The following SKAP1 variants were observed in gnomAD, a reference collection of about 807,000 sequenced individuals.
SKAP1 encodes src kinase-associated phosphoprotein 1.
Under a neutral mutation model 58.5 loss-of-function variants are expected in SKAP1, and 44 were observed. The observed-to-expected ratio is 0.75, with a 90% CI of 0.59 to 0.97. SKAP1 has a LOEUF of 0.97. Among genes scored for constraint, SKAP1 ranks in the 50% least tolerant of loss-of-function variants. SKAP1 has a pLI of 0.00. For synonymous variants in SKAP1, 127 were observed against 149.7 expected, an observed-to-expected ratio of 0.85 and a Z score of 1.11; for missense variants, 390 against 435.2, an observed-to-expected ratio of 0.90 and a Z score of 0.92.
intron 8 of SKAP1, among the ~76,000 whole-genome samples, chr17:48,180,915 G>A (rs528040061): frequency 2.0e-4 from 30 of 152,280 alleles, no homozygotes; most frequent in African/African-American, 7.0e-4. Context: ...AAGGTGTTGA[G>A]CCATTACAGC....
chr17:48,306,575 A>G (rs1460208365), intron 4 of SKAP1, among the ~76,000 whole-genome samples: 1 of 152,222 alleles, frequency 6.6e-6, no homozygotes, highest in African/African-American at 2.4e-5. Flanking sequence ...GTAATTCCTT[A>G]TAACCAGTTA....
At chr17:48,156,384 C>A (rs368826774) in intron 11 of SKAP1, 1 of 323,820 alleles carries the variant, frequency 3.1e-6, no homozygotes, top group Admixed American at 3.3e-5. Flanking sequence ...AAGTAATTTA[C>A]GAGTCGCAGG....
chr17:48,263,241 T>C (rs1165876106), intron 4 of SKAP1, among the ~76,000 whole-genome samples: 1 of 152,190 alleles, frequency 6.6e-6, no homozygotes, highest in African/African-American at 2.4e-5. Context: ...GAAAGGGCTA[T>C]GAGTATAACC....
the SKAP1 span, among the ~76,000 whole-genome samples, chr17:48,444,120 C>T: frequency 3.0e-5 from 3 of 98,996 alleles, no homozygotes; most frequent in East Asian, 5.0e-4. Context: ...CGAGGCCGGG[C>T]GCAGTGACTC....
intron 4 of SKAP1, among the ~76,000 whole-genome samples, chr17:48,264,880 GC>G (rs1309386725): frequency 6.6e-6 from 1 of 151,928 alleles, no homozygotes; most frequent in African/African-American, 2.4e-5. Context: ...GAGCTATGCT[GC>G]AGTCAACGAG....
chr17:48,143,009 G>A (rs958137691), intron 11 of SKAP1, among the ~76,000 whole-genome samples: 1 of 148,972 alleles, frequency 6.7e-6, no homozygotes, highest in Non-Finnish European at 1.5e-5. Context: ...TAGAGATGGG[G>A]TCTCCCTATG....
At chr17:48,328,579 A>G (rs939605738) in intron 4 of SKAP1, among the ~76,000 whole-genome samples, 8 of 152,258 alleles carry the variant, frequency 5.3e-5, no homozygotes, top group African/African-American at 1.9e-4. Flanking sequence ...ATGTCAAGTA[A>G]TGATTTACAG....
chr17:48,199,324 C>T (rs1353883532), intron 4 of SKAP1, among the ~76,000 whole-genome samples: 1 of 152,128 alleles, frequency 6.6e-6, no homozygotes, highest in Non-Finnish European at 1.5e-5. Flanking sequence ...GTCTTCCTAC[C>T]TTCCAGTTTC....
chr17:48,381,033 T>C (rs1485276615), intron 2 of SKAP1, among the ~76,000 whole-genome samples: 6 of 152,186 alleles, frequency 3.9e-5, no homozygotes, highest in African/African-American at 1.2e-4. Context: ...TACTGAAAAA[T>C]AAAATCAAGT....
chr17:48,342,686 C>T (rs1247850162), intron 4 of SKAP1, among the ~76,000 whole-genome samples: 1 of 152,038 alleles, frequency 6.6e-6, no homozygotes, highest in Admixed American at 6.6e-5. Flanking sequence ...CTAATGAAGA[C>T]AAAATTCGAG....
chr17:48,438,151 G>C, the SKAP1 span, among the ~76,000 whole-genome samples: 1 of 152,164 alleles, frequency 6.6e-6, no homozygotes, highest in Non-Finnish European at 1.5e-5. Flanking sequence ...ATCTGCCACC[G>C]CTTGCTGTGA....
chr17:48,265,793 C>G (rs1267411434), intron 4 of SKAP1, among the ~76,000 whole-genome samples: 3 of 152,160 alleles, frequency 2.0e-5, no homozygotes, highest in African/African-American at 7.2e-5. Context: ...GGAGCTGTAT[C>G]TGCCCAAAGG....
chr17:48,193,348 T>C (rs541121880), intron 4 of SKAP1, among the ~76,000 whole-genome samples: 2 of 152,310 alleles, frequency 1.3e-5, no homozygotes, highest in African/African-American at 2.4e-5. Context: ...CGGTCTATGT[T>C]GCTTTCTTAT....
At chr17:48,351,455 TATCTATA>T in intron 3 of SKAP1, among the ~76,000 whole-genome samples, 1 of 152,120 alleles carries the variant, frequency 6.6e-6, no homozygotes, top group Non-Finnish European at 1.5e-5. Flanking sequence ...TTACTACACC[TATCTATA>T]ATTCAATGTA....
At chr17:48,173,800 C>T (rs763308197) in intron 9 of SKAP1, among the ~76,000 whole-genome samples, 12 of 152,192 alleles carry the variant, frequency 7.9e-5, no homozygotes, top group Non-Finnish European at 1.5e-4. Flanking sequence ...GCTGCTACTC[C>T]ACCTCCTTCC....
At chr17:48,188,905 C>T (rs922919924) in intron 5 of SKAP1, among the ~76,000 whole-genome samples, 3 of 152,170 alleles carry the variant, frequency 2.0e-5, no homozygotes, top group Non-Finnish European at 4.4e-5. Flanking sequence ...GAGGCTGAGA[C>T]AGCAGAATCG....
chr17:48,288,579 G>T (rs186626953), intron 4 of SKAP1, among the ~76,000 whole-genome samples: 2 of 152,020 alleles, frequency 1.3e-5, no homozygotes, highest in African/African-American at 4.8e-5. Flanking sequence ...CCAGCTACTC[G>T]GGAGGCTGAG....
intron 1 of SKAP1, among the ~76,000 whole-genome samples, 189 bp downstream of exon 1, chr17:48,429,886 C>G (rs2067896132): frequency 6.6e-6 from 1 of 152,102 alleles, no homozygotes; most frequent in Admixed American, 6.5e-5. Flanking sequence ...TGTGGGACTC[C>G]AGGGAGTGAA....
intron 1 of SKAP1, among the ~76,000 whole-genome samples, chr17:48,423,974 GT>G (rs2067824988): frequency 1.3e-5 from 2 of 151,960 alleles, no homozygotes; most frequent in Admixed American, 1.3e-4. Context: ...TAAAAATAGG[GT>G]ATATAACTTG....
Sources: allele counts gnomAD v4.1 joint callset (sites outside exome capture counted in the v4.1 genomes callset), GRCh38; gene constraint gnomAD v4.1.1; transcripts MANE v1.5; gene names NCBI Gene and HGNC (gene_info 2026-07-23, HGNC 2026-07-21).